Variants in ERC2 observed in about 807,000 individuals in gnomAD.
ERC2 encodes ERC protein 2.
In ERC2, 42 loss-of-function variants were observed where a neutral mutation model predicts 114.8. That is an observed-to-expected ratio of 0.37 (90% CI 0.29 to 0.47). The LOEUF is 0.47. ERC2 is among the 20% of genes least tolerant of loss of function. The pLI is 0.99. For synonymous variants in ERC2, 454 were observed against 425.5 expected (o/e 1.07, Z -0.82); for missense variants, 939 against 1,150.7 (o/e 0.82, Z 2.66).
intron 17 of ERC2, among the ~76,000 whole-genome samples, chr3:55,533,069 A>G (rs2053768737): frequency 6.6e-6 from 1 of 152,278 alleles, no homozygotes. Context: ...CTGCAAAGAC[A>G]GGGTCAACAC....
At chr3:56,014,113 A>G (rs1291226365) in intron 8 of ERC2, among the ~76,000 whole-genome samples, 3 of 152,190 alleles carry the variant, frequency 2.0e-5, no homozygotes, top group African/African-American at 7.2e-5. Flanking sequence ...AGTTAAAAAA[A>G]AACAGATGCA....
chr3:56,139,849 T>C (rs2149916263), intron 5 of ERC2, among the ~76,000 whole-genome samples, 173 bp from the exon 6 acceptor site: 1 of 152,172 alleles, frequency 6.6e-6, no homozygotes, highest in East Asian at 1.9e-4. Context: ...CTTTGGGTTC[T>C]GGAGGAAAAT....
chr3:55,850,315 A>C (rs1394816669), intron 14 of ERC2, among the ~76,000 whole-genome samples: 1 of 152,238 alleles, frequency 6.6e-6, no homozygotes, highest in Non-Finnish European at 1.5e-5. Context: ...CCAGGTGGAC[A>C]TATCTTTTAA....
chr3:56,455,964 C>T (rs1186143049), intron 1 of ERC2, among the ~76,000 whole-genome samples: 2 of 152,104 alleles, frequency 1.3e-5, no homozygotes, highest in African/African-American at 4.8e-5. Flanking sequence ...GCAAGAAGAC[C>T]CCCCCAGGAC....
At chr3:55,666,206 C>A (rs2061350894) in intron 17 of ERC2, among the ~76,000 whole-genome samples, 1 of 152,158 alleles carries the variant, frequency 6.6e-6, no homozygotes, top group South Asian at 2.1e-4. Flanking sequence ...TCTGTTGACT[C>A]CAGCAGGAGC....
chr3:56,109,569 G>A (rs769209015), intron 6 of ERC2, among the ~76,000 whole-genome samples: 8 of 152,082 alleles, frequency 5.3e-5, no homozygotes, highest in Admixed American at 3.3e-4. Flanking sequence ...CTGGTTACAC[G>A]AATTATAGTC....
chr3:56,077,876 C>T (rs2077047990), intron 7 of ERC2, among the ~76,000 whole-genome samples: 1 of 152,176 alleles, frequency 6.6e-6, no homozygotes, highest in Non-Finnish European at 1.5e-5. Flanking sequence ...TTGTGCCCAT[C>T]TCACTAGGTA....
chr3:55,675,552 T>C (rs1334761033), intron 17 of ERC2, among the ~76,000 whole-genome samples: 1 of 152,140 alleles, frequency 6.6e-6, no homozygotes, highest in East Asian at 1.9e-4. Context: ...TCCCCTTTGG[T>C]TGGGGCTGTG....
chr3:56,409,530 A>C lies in ERC2; in HGVS notation c.657+24821T>G, dbSNP rs972657490. 3.3e-5 allele frequency among the ~76,000 whole-genome samples: 5 copies of C among 151,920 alleles called. 1 individual carries two copies. The highest frequency in any genetic ancestry group is 4.2e-4 in the South Asian group (2 of 4,814). ...TAAAGCTAGACAGAAAAAAAAAAAA[A>C]AAAAACCTCTGCTCACAAAGGGCTG... On this transcript the variant is annotated intron_variant, in intron 2 of 17. Transcript: ENST00000288221.
chr3:55,734,551 G>C (rs2065504012), intron 15 of ERC2, among the ~76,000 whole-genome samples: 1 of 152,186 alleles, frequency 6.6e-6, no homozygotes. Context: ...AAGGAAAACA[G>C]CACTGGTTGC....
intron 3 of ERC2, among the ~76,000 whole-genome samples, chr3:56,205,474 C>A (rs1181531263): frequency 6.6e-6 from 1 of 152,164 alleles, no homozygotes; most frequent in African/African-American, 2.4e-5. Flanking sequence ...AAACTCTTGC[C>A]CCGTAACAAG....
chr3:55,826,498 G>T (rs9874792), intron 14 of ERC2, among the ~76,000 whole-genome samples: 39,861 of 152,106 alleles, frequency 0.26, 6,203 homozygotes, highest in African/African-American at 0.42. Flanking sequence ...TGTTAACAGC[G>T]TATATATTAT....
At chr3:55,963,416 A>G (rs771686306) in intron 12 of ERC2, among the ~76,000 whole-genome samples, 5 of 152,220 alleles carry the variant, frequency 3.3e-5, no homozygotes, top group Non-Finnish European at 4.4e-5. Flanking sequence ...GAAGCTCAAC[A>G]CAACGTTCCC....
chr3:55,650,128 G>A (rs2060553427), intron 17 of ERC2, among the ~76,000 whole-genome samples: 1 of 152,206 alleles, frequency 6.6e-6, no homozygotes, highest in South Asian at 2.1e-4. Flanking sequence ...AGAAAGGCTT[G>A]TCAGAATTCA....
At chr3:55,628,549 TTC>T (rs1373277071) in intron 17 of ERC2, among the ~76,000 whole-genome samples, 3 of 152,212 alleles carry the variant, frequency 2.0e-5, no homozygotes, top group Admixed American at 2.0e-4. Context: ...TTCTACTTCT[TTC>T]TGTTTACTCT....
At chr3:55,524,440 G>A (rs1393145862) in intron 17 of ERC2, among the ~76,000 whole-genome samples, 1 of 150,618 alleles carries the variant, frequency 6.6e-6, no homozygotes, top group East Asian at 2.0e-4. Context: ...TGGCAGCCTC[G>A]TACTTTCTCT....
chr3:56,127,291 T>G (rs76305023), intron 6 of ERC2, among the ~76,000 whole-genome samples: 73 of 152,236 alleles, frequency 4.8e-4, no homozygotes, highest in Middle Eastern at 3.4e-3. Flanking sequence ...AAAATATCAA[T>G]GACATTCTTC....
chr3:56,439,465 C>T (rs2062184851), intron 1 of ERC2, among the ~76,000 whole-genome samples: 1 of 152,140 alleles, frequency 6.6e-6, no homozygotes, highest in Non-Finnish European at 1.5e-5. Context: ...AAGCAAAAAA[C>T]ACAGAATGGG....
At chr3:55,862,436 T>G (rs897307470) in intron 14 of ERC2, among the ~76,000 whole-genome samples, 20 of 152,086 alleles carry the variant, frequency 1.3e-4, no homozygotes, top group Admixed American at 1.2e-3. Flanking sequence ...GACACAGATG[T>G]GATGGCTAGA....
Sources: gnomAD v4.1 joint callset for allele counts (sites outside exome capture counted in the v4.1 genomes callset) on GRCh38, gnomAD v4.1.1 for gene constraint, MANE v1.5 for transcripts, NCBI Gene and HGNC (gene_info 2026-07-23, HGNC 2026-07-21) for gene names.